ECM2: variants seen among roughly 807,000 people sequenced by gnomAD.
ECM2 encodes the protein extracellular matrix protein 2, female organ and adipocyte specific.
Under a neutral mutation model 67.5 loss-of-function variants are expected in ECM2, and 57 were observed. The observed-to-expected ratio is 0.84, with a 90% CI of 0.68 to 1.05. ECM2 has a LOEUF of 1.05. Among genes scored for constraint, ECM2 ranks in the 50% least tolerant of loss-of-function variants. The probability of loss-of-function intolerance (pLI) is 0.00; values close to 1 mark genes in which losing one functional copy is unlikely to be tolerated. For missense variants in ECM2, 741 were observed against 822.8 expected (o/e 0.90, Z 1.22); for synonymous variants, 258 against 294.5 (o/e 0.88, Z 1.27).
the ECM2 span, among the ~76,000 whole-genome samples, chr9:92,552,099 A>G: frequency 9.7e-3 from 1,169 of 120,618 alleles, 19 homozygotes; most frequent in Middle Eastern, 0.018. Flanking sequence ...GATATGATAG[A>G]TCTATCATAT....
chr9:92,532,032 T>TA (rs1848822440), intron 1 of ECM2, among the ~76,000 whole-genome samples: 5 of 132,670 alleles, frequency 3.8e-5, no homozygotes, highest in East Asian at 4.0e-4. Context: ...TTTTTTTATT[T>TA]TATTTTTTTT....
the ECM2 span, among the ~76,000 whole-genome samples, chr9:92,546,955 A>G: frequency 1.3e-5 from 2 of 152,166 alleles, no homozygotes; most frequent in Non-Finnish European, 2.9e-5. Flanking sequence ...CAGCATAACT[A>G]TATTACAAAC....
the ECM2 span, among the ~76,000 whole-genome samples, chr9:92,554,444 A>G: frequency 1.3e-5 from 2 of 152,068 alleles, no homozygotes; most frequent in Non-Finnish European, 2.9e-5. Flanking sequence ...CACCCTCCCA[A>G]AGTGCTGGGA....
chr9:92,549,460 A>G, the ECM2 span, among the ~76,000 whole-genome samples: 2 of 152,130 alleles, frequency 1.3e-5, no homozygotes, highest in African/African-American at 4.8e-5. Context: ...CAGCCTGGCC[A>G]ATGTGGTGAA....
At chr9:92,515,670 C>T (rs1847658038) in intron 3 of ECM2, among the ~76,000 whole-genome samples, 1 of 152,206 alleles carries the variant, frequency 6.6e-6, no homozygotes, top group South Asian at 2.1e-4. Context: ...GTATATTTTA[C>T]TTGCTTATAG....
chr9:92,555,024 G>GTTA, the ECM2 span, among the ~76,000 whole-genome samples: 13 of 150,166 alleles, frequency 8.7e-5, no homozygotes, highest in East Asian at 1.7e-3. Flanking sequence ...TGTTGTTGTT[G>GTTA]TTGTTGTTGT....
At position 92,515,295 on chromosome 9, in the gene ECM2, TTCCC is replaced by T. The variant is rs1179358248; in HGVS notation, c.482-96_482-93del. ...ATGAAAATGAGGTTAGTAAATATTATTCCCTCCAAGTATTTGAGTGCAATTTAAA... is the reference window on the plus strand; with the variant it reads ...ATGAAAATGAGGTTAGTAAATATTATTCCAAGTATTTGAGTGCAATTTAAA... On this transcript the variant is annotated intron_variant, in intron 3 of 9. Coordinates refer to ENST00000344604, the MANE Select transcript of ECM2 (RefSeq NM_001393.4). 2.2e-6 allele frequency: 3 copies of T among 1,347,322 alleles called. No homozygotes were observed. In the East Asian group the frequency reaches 8.1e-5, roughly 36 times the overall value. 83.5% of individuals were successfully genotyped at this position (1,347,322 alleles called of 1,614,324 possible). A position where few individuals can be genotyped will look rare whatever the true frequency, so the allele number is the denominator to read the frequency against.
At position 92,496,495 on chromosome 9, in the gene ECM2, T is replaced by TG; in HGVS notation, c.1932-13_1932-12insC. 1 of 1,605,568 alleles carries TG rather than the reference T, an allele frequency of 6.2e-7. No homozygotes were observed. Among genetic ancestry groups the TG allele is most frequent in the Non-Finnish European group, 8.5e-7 (1 of 1,178,160 alleles). ...CTGGAAGAATGTTCCTAAGGAAAAA[T>TG]AGACATGCAAGTCACACATGGTCCC... On this transcript the variant is annotated splice_polypyrimidine_tract_variant and intron_variant, in intron 9 of 9. Coordinates refer to ENST00000344604, the MANE Select transcript of ECM2 (RefSeq NM_001393.4).
At chr9:92,551,100 G>A in the ECM2 span, among the ~76,000 whole-genome samples, 1 of 152,166 alleles carries the variant, frequency 6.6e-6, no homozygotes, top group Non-Finnish European at 1.5e-5. Context: ...TTCCTGGGGA[G>A]GTGGCTGTGG....
the ECM2 span, among the ~76,000 whole-genome samples, chr9:92,552,098 G>GGTCT: frequency 7.5e-6 from 1 of 133,660 alleles, no homozygotes; most frequent in Non-Finnish European, 1.6e-5. Flanking sequence ...TGATATGATA[G>GGTCT]ATCTATCATA....
chr9:92,517,408 G>A, intron 3 of ECM2: 1 of 573,494 alleles, frequency 1.7e-6, no homozygotes, highest in Non-Finnish European at 3.1e-6. Flanking sequence ...TAGAAATTCT[G>A]TTACCATATC....
chr9:92,551,751 A>G, the ECM2 span, among the ~76,000 whole-genome samples: 5 of 151,592 alleles, frequency 3.3e-5, no homozygotes, highest in Non-Finnish European at 7.4e-5. Flanking sequence ...TAGCTCCCAC[A>G]TATCAGTGAG....
chr9:92,545,566 G>A, the ECM2 span, among the ~76,000 whole-genome samples: 7 of 152,218 alleles, frequency 4.6e-5, no homozygotes, highest in African/African-American at 1.2e-4. Flanking sequence ...GAGCCTCCCC[G>A]ACGAGCTCTG....
rs780113287 is a variant in ECM2, at chr9:92,512,140, C to T, written c.1055-14G>A. ...CGATGGAATTGCCTAGGACACACAGCGGTTATGTTTTAGGCATGTGTGCAT... is the reference window on the plus strand; with the variant it reads ...CGATGGAATTGCCTAGGACACACAGTGGTTATGTTTTAGGCATGTGTGCAT... On this transcript the variant is annotated splice_polypyrimidine_tract_variant and intron_variant, in intron 4 of 9. Coordinates refer to ENST00000344604, the MANE Select transcript of ECM2 (RefSeq NM_001393.4). The T allele has an allele frequency of 5.3e-5, 85 of 1,593,926 alleles. No individual in the cohort carries two copies. The highest frequency in any genetic ancestry group is 2.3e-4 in the Admixed American group (14 of 59,776).
At chr9:92,544,239 G>C in the ECM2 span, among the ~76,000 whole-genome samples, 2 of 152,234 alleles carry the variant, frequency 1.3e-5, no homozygotes, top group Non-Finnish European at 2.9e-5. Context: ...ACTTTGGGAG[G>C]CTGAGGCACG....
intron 1 of ECM2, among the ~76,000 whole-genome samples, chr9:92,529,595 A>G (rs1848624683): frequency 6.6e-6 from 1 of 152,208 alleles, no homozygotes; most frequent in Non-Finnish European, 1.5e-5. Flanking sequence ...AAACTATGGT[A>G]TATTCAGACA....
At chr9:92,517,636 A>G (rs1847808693) in intron 3 of ECM2, 51 bp downstream of exon 3, 2 of 1,604,056 alleles carry the variant, frequency 1.2e-6, no homozygotes, top group Non-Finnish European at 1.7e-6. Flanking sequence ...AAACAAATGG[A>G]AGTTAAAGAT....
chr9:92,502,421 T>G (rs2131157629), intron 8 of ECM2, 92 bp downstream of exon 8: 1 of 1,475,160 alleles, frequency 6.8e-7, no homozygotes, highest in Middle Eastern at 1.8e-4. Flanking sequence ...GTCACCTCCC[T>G]CACTTATCCC....
At chr9:92,523,043 A>G in intron 1 of ECM2, 150 bp from the exon 2 acceptor site, 1 of 819,204 alleles carries the variant, frequency 1.2e-6, no homozygotes, top group Non-Finnish European at 1.8e-6. Flanking sequence ...TTATTGCCAA[A>G]TCATAATTTG....
Sources: allele counts gnomAD v4.1 joint callset (sites outside exome capture counted in the v4.1 genomes callset), GRCh38; gene constraint gnomAD v4.1.1; transcripts MANE v1.5; gene names NCBI Gene and HGNC (gene_info 2026-07-23, HGNC 2026-07-21).